TBC1D14: variants seen among roughly 807,000 people sequenced by gnomAD.
TBC1D14 encodes TBC1 domain family member 14, also known as TBC1 domain family, member 14.
Under a neutral mutation model 79.0 loss-of-function variants are expected in TBC1D14, and 26 were observed. The ratio of observed to expected loss-of-function variants is 0.33; its 90% CI spans 0.24 to 0.46. The LOEUF (loss-of-function observed/expected upper bound fraction) is 0.46. TBC1D14 is among the 20% of genes least tolerant of loss of function. The pLI, the probability that TBC1D14 is intolerant of heterozygous loss-of-function variation, is 1.00. For synonymous variants in TBC1D14, 394 were observed against 349.9 expected (o/e 1.13, Z -1.40); for missense variants, 769 against 887.6 (o/e 0.87, Z 1.70).
chr4:7,008,356 A>C lies in TBC1D14; in HGVS notation c.1447-1521A>C, dbSNP rs778778119. 1.3e-5 allele frequency among the ~76,000 whole-genome samples: 2 copies of C among 152,258 alleles called. 1 individual carries two copies. The highest frequency in any genetic ancestry group is 1.3e-4 in the Admixed American group (2 of 15,294). ...GAGATTGAGTTTACTAAAAGAAAGCAAAGAACAGTTGAGGGGGAGAGTGGA... is the reference window on the plus strand; with the variant it reads ...GAGATTGAGTTTACTAAAAGAAAGCCAAGAACAGTTGAGGGGGAGAGTGGA... On this transcript the variant is annotated intron_variant, in intron 9 of 13. Transcript: ENST00000409757.
chr4:6,988,885 C>CTTTCTTTTTTT (rs748889966), intron 3 of TBC1D14, among the ~76,000 whole-genome samples: 9 of 76,808 alleles, frequency 1.2e-4, no homozygotes, highest in Admixed American at 1.9e-4. Flanking sequence ...TTCTTTCTTT[C>CTTTCTTTTTTT]TTTTTTTTTT....
intron 1 of TBC1D14, among the ~76,000 whole-genome samples, chr4:6,914,054 C>T (rs1723203978): frequency 6.6e-6 from 1 of 151,282 alleles, no homozygotes; most frequent in Non-Finnish European, 1.5e-5. Flanking sequence ...GTGGGAGGCT[C>T]ACTTGAGCCT....
rs1461077447 is a variant in TBC1D14 at position 6,987,405 on chromosome 4, G to C, written c.844-6779G>C. 4 of 1,360,978 alleles carry C rather than the reference G, an allele frequency of 2.9e-6. No individual in the cohort carries two copies. In the African/African-American group the frequency reaches 6.0e-5, roughly 21 times the overall value. 84.3% of individuals were successfully genotyped at this position (1,360,978 alleles called of 1,614,324 possible). ...CTGCGCCCCAGGCCTGCCCGGTCCC[G>C]TGGGCCTGTCCTGTCCTGGGCCTGC... On this transcript the variant is annotated intron_variant, in intron 3 of 13. Coordinates refer to ENST00000409757, the MANE Select transcript of TBC1D14 (RefSeq NM_020773.3).
chr4:7,005,064 T>A, intron 8 of TBC1D14, 140 bp downstream of exon 8: 1 of 827,480 alleles, frequency 1.2e-6, no homozygotes, highest in South Asian at 1.8e-5. Flanking sequence ...AAGGGTTTTT[T>A]TTGTTTTGTT....
chr4:6,947,404 A>G (rs997571999), intron 2 of TBC1D14, among the ~76,000 whole-genome samples: 3 of 152,116 alleles, frequency 2.0e-5, no homozygotes, highest in African/African-American at 7.2e-5. Context: ...AGGCTAAGGC[A>G]GGAGAGTGGC....
At chr4:6,933,685 T>G (rs1242675691) in intron 2 of TBC1D14, among the ~76,000 whole-genome samples, 1 of 152,004 alleles carries the variant, frequency 6.6e-6, no homozygotes, top group Non-Finnish European at 1.5e-5. Flanking sequence ...TATTCATAGT[T>G]TATGCCTGTG....
intron 3 of TBC1D14, among the ~76,000 whole-genome samples, chr4:6,972,105 C>T (rs56031152): frequency 1.3e-5 from 2 of 152,084 alleles, no homozygotes; most frequent in Non-Finnish European, 2.9e-5. Flanking sequence ...TAAAGGGGAA[C>T]CTTCTTTCTT....
At position 7,031,286 on chromosome 4, in the gene TBC1D14, G is replaced by C. The variant is rs536377887; in HGVS notation, c.*894G>C. 8 of 152,346 alleles carry C rather than the reference G, an allele frequency of 5.3e-5. No individual in the cohort carries two copies. The highest frequency in any genetic ancestry group is 2.1e-4 in the South Asian group (1 of 4,840). The allele number at this position is 152,346 out of a possible 1,614,324, so 9.4% of individuals were successfully genotyped here. ...GGCAGCAGCCCAGAACAGCACATGT[G>C]GGGGAGGTGGCCCCTTGTGCCAGCA... On this transcript the variant is annotated 3_prime_UTR_variant, in exon 14 of 14. Coordinates refer to ENST00000409757, the MANE Select transcript of TBC1D14 (RefSeq NM_020773.3).
At chr4:6,958,542 A>G (rs968293716) in intron 2 of TBC1D14, among the ~76,000 whole-genome samples, 1 of 151,790 alleles carries the variant, frequency 6.6e-6, no homozygotes, top group Non-Finnish European at 1.5e-5. Flanking sequence ...GATTCCCCCC[A>G]CTTCAGCCTC....
At chr4:6,968,028 A>C (rs1715859288) in intron 3 of TBC1D14, among the ~76,000 whole-genome samples, 1 of 152,198 alleles carries the variant, frequency 6.6e-6, no homozygotes, top group South Asian at 2.1e-4. Context: ...TCCACGGCCC[A>C]GGTAGCTGTG....
chr4:6,996,745 G>T (rs10155208), intron 5 of TBC1D14, among the ~76,000 whole-genome samples: 67,441 of 151,998 alleles, frequency 0.44, 15,499 homozygotes, highest in East Asian at 0.61. Context: ...TAAAGCCCCA[G>T]GCTTTGGAGC....
intron 2 of TBC1D14, among the ~76,000 whole-genome samples, chr4:6,965,060 A>G (rs1032178457): frequency 6.6e-6 from 1 of 152,234 alleles, no homozygotes; most frequent in Non-Finnish European, 1.5e-5. Context: ...TCCCTTATGT[A>G]ACCACAGAAC....
intron 2 of TBC1D14, among the ~76,000 whole-genome samples, chr4:6,966,939 A>C (rs1354359419): frequency 6.6e-6 from 1 of 152,180 alleles, no homozygotes; most frequent in Non-Finnish European, 1.5e-5. Context: ...CCTCCCGAGT[A>C]GCTGGGACTA....
chr4:6,932,376 TAA>T (rs34196506), intron 2 of TBC1D14, among the ~76,000 whole-genome samples: 376 of 143,744 alleles, frequency 2.6e-3, no homozygotes, highest in Middle Eastern at 7.3e-3. Flanking sequence ...GTCTGGAAAT[TAA>T]AAAAAAAAAA....
intron 3 of TBC1D14, among the ~76,000 whole-genome samples, chr4:6,986,435 C>G (rs1717831199): frequency 6.6e-6 from 1 of 152,216 alleles, no homozygotes; most frequent in Non-Finnish European, 1.5e-5. Flanking sequence ...TCCAGCTTCT[C>G]TAAGTCTTTG....
chr4:7,019,478 T>C (rs1721599648), intron 12 of TBC1D14, among the ~76,000 whole-genome samples: 3 of 152,268 alleles, frequency 2.0e-5, no homozygotes, highest in East Asian at 3.9e-4. Context: ...GCTGAGCACG[T>C]CTGGCTTAGG....
intron 8 of TBC1D14, 54 bp downstream of exon 8, chr4:7,004,978 CTTTA>C (rs752227705): frequency 1.1e-4 from 166 of 1,500,526 alleles, no homozygotes; most frequent in Non-Finnish European, 1.5e-4. Flanking sequence ...GTTTGTCATT[CTTTA>C]TTACATAGTG....
chr4:7,004,444 A>T (rs1249472166), intron 7 of TBC1D14, among the ~76,000 whole-genome samples: 1 of 152,156 alleles, frequency 6.6e-6, no homozygotes, highest in African/African-American at 2.4e-5. Flanking sequence ...GGTCATTGAG[A>T]CATTCCTTGA....
intron 3 of TBC1D14, among the ~76,000 whole-genome samples, chr4:6,985,302 T>C (rs967005202): frequency 6.6e-6 from 1 of 152,250 alleles, no homozygotes; most frequent in Admixed American, 6.5e-5. Context: ...CTGTTCTTTT[T>C]GAACCAGGAT....
Sources: allele counts gnomAD v4.1 joint callset (sites outside exome capture counted in the v4.1 genomes callset), GRCh38; gene constraint gnomAD v4.1.1; transcripts MANE v1.5; gene names NCBI Gene and HGNC (gene_info 2026-07-23, HGNC 2026-07-21).